The following SMUG1 variants were observed in gnomAD, a reference collection of about 807,000 sequenced individuals.
SMUG1 encodes single-strand-selective monofunctional uracil-DNA glycosylase 1, also known as single-strand selective monofunctional uracil DNA glycosylase.
SMUG1 carries 13 observed loss-of-function variants against 23.9 expected under a neutral mutation model. That is an observed-to-expected ratio of 0.54 (90% CI 0.35 to 0.86). The LOEUF is 0.86. Ranked by LOEUF, SMUG1 falls within the 40% of genes least tolerant of loss-of-function variation. SMUG1 has a pLI of 0.01. For synonymous variants in SMUG1, 133 were observed against 139.8 expected, an observed-to-expected ratio of 0.95 and a Z score of 0.34; for missense variants, 313 against 339.5, an observed-to-expected ratio of 0.92 and a Z score of 0.61.
At chr12:54,163,795 A>G (rs1940350084), downstream of SMUG1, among the ~76,000 whole-genome samples, 1 of 152,248 alleles carries the variant, frequency 6.6e-6, no homozygotes, top group Non-Finnish European at 1.5e-5. Flanking sequence ...AAATGGGGAT[A>G]ATAATATTCA....
intron 3 of SMUG1, chr12:54,183,444 G>A (rs1300529977): frequency 6.8e-6 from 4 of 587,870 alleles, no homozygotes; most frequent in Non-Finnish European, 9.1e-6. Flanking sequence ...CAGGGAAAAC[G>A]AAACTACCAT....
chr12:54,182,207 C>T lies in SMUG1; in HGVS notation c.702G>A (p.Val234=), dbSNP rs1320262995. 4 of 1,611,872 alleles carry T rather than the reference C, an allele frequency of 2.5e-6. No homozygotes were observed. Among genetic ancestry groups the T allele is most frequent in the Admixed American group, 3.3e-5 (2 of 59,858 alleles). The part of the protein sequence containing the change: ...ALAGLMPEVQ[V]EGLLHPSPRN... Reference sequence around the variant, plus strand: ...GGGGAGAGGGATGCAGGAGCCCTTCCACCTGGACCTCTGGCATCAGGCCTG... The same window carrying T: ...GGGGAGAGGGATGCAGGAGCCCTTCTACCTGGACCTCTGGCATCAGGCCTG... The change falls in exon 4 of 4, where the codon GTG becomes GTA. Residue 234 remains valine, a synonymous_variant. Coordinates refer to ENST00000682136, the MANE Select transcript of SMUG1 (RefSeq NM_001243787.2).
In SMUG1 at chr12:54,187,780, T is replaced by C. The variant is rs551699457; in HGVS notation, c.-20+39A>G. The C allele has an allele frequency of 2.7e-5, 3 of 112,148 alleles. No individual in the cohort carries two copies. The South Asian group carries it at 8.8e-4, about 33-fold the overall frequency. 6.9% of individuals were successfully genotyped at this position (112,148 alleles called of 1,614,324 possible). On this transcript the variant is annotated intron_variant, in intron 2 of 3. Coordinates refer to ENST00000682136, the MANE Select transcript of SMUG1 (RefSeq NM_001243787.2). ...CATACTCCATCCAACCTACCACCTG[T>C]TAACTCATTTTTTTTTTCAATACTT...
chr12:54,169,114 G>A (rs1232767651), intron 3 of SMUG1, among the ~76,000 whole-genome samples: 2 of 152,132 alleles, frequency 1.3e-5, no homozygotes, highest in Non-Finnish European at 1.5e-5. Context: ...ACATCTGGGG[G>A]GAAATGACCA....
chr12:54,181,881 G>A lies in SMUG1; in HGVS notation c.*215C>T, dbSNP rs1472390838. 5.7e-5 allele frequency: 81 copies of A among 1,423,682 alleles called. No homozygotes were observed. The highest frequency in any genetic ancestry group is 7.3e-5 in the Non-Finnish European group (80 of 1,094,016). The allele number at this position is 1,423,682 out of a possible 1,614,324, so 88.2% of individuals were successfully genotyped here. A position where few individuals can be genotyped will look rare whatever the true frequency, so the allele number is the denominator to read the frequency against. ...TCCCCTGAAAGGGGCAATGTTAAAA[G>A]GTAAAGAAAGCAGGAATCAGGAGGG... On this transcript the variant is annotated 3_prime_UTR_variant, in exon 4 of 4. Transcript: ENST00000682136.
intron 3 of SMUG1, among the ~76,000 whole-genome samples, chr12:54,170,160 T>G (rs1449574335): frequency 6.6e-6 from 1 of 150,726 alleles, no homozygotes; most frequent in Non-Finnish European, 1.5e-5. Context: ...ATCGCGCCAT[T>G]GCACTTCAGC....
At position 54,182,588 on chromosome 12, in the gene SMUG1, C is replaced by T; in HGVS notation, c.321G>A (p.Trp107Ter). 6.2e-7 allele frequency: 1 copy of T among 1,613,968 alleles called. No individual in the cohort carries two copies. The highest frequency in any genetic ancestry group is 1.1e-5 in the South Asian group (1 of 91,058). ...TCAGCACAGGCCCCACAATGCCCAACCAGTCCCGGACCATGCTTACTTCCC... is the reference window on the plus strand; with the variant it reads ...TCAGCACAGGCCCCACAATGCCCAATCAGTCCCGGACCATGCTTACTTCCC... ...PFGEVSMVRDWLGIVGPVLTP... is the reference protein window; with the variant it reads ...PFGEVSMVRD The change falls in exon 4 of 4, where the codon TGG becomes TGA. Residue 107 changes from tryptophan to a stop codon, truncating the protein, a stop_gained. Coordinates refer to ENST00000682136, the MANE Select transcript of SMUG1 (RefSeq NM_001243787.2). LOFTEE classifies it high-confidence loss of function.
chr12:54,176,229 AAAAAAAAAGG>A (rs1187721887), downstream of SMUG1, among the ~76,000 whole-genome samples: 1 of 151,858 alleles, frequency 6.6e-6, no homozygotes, highest in Non-Finnish European at 1.5e-5. Context: ...TCCATCTAAA[AAAAAAAAAGG>A]CTGGGCATGG....
downstream of SMUG1, among the ~76,000 whole-genome samples, chr12:54,177,484 A>T (rs1051791352): frequency 9.9e-5 from 15 of 152,166 alleles, no homozygotes; most frequent in Non-Finnish European, 1.5e-5. Context: ...TGAACTGAAG[A>T]ATTGAATTTT....
In SMUG1 at chr12:54,181,468, G is replaced by A; in HGVS notation, c.*628C>T. On this transcript the variant is annotated 3_prime_UTR_variant, in exon 4 of 4. Transcript: ENST00000682136. ...GGCATCCCTGTTTTACAGATGAGGA[G>A]CCTGAGGCATAGAGAGGTTTATTAA... is the stretch of plus-strand genomic sequence containing the variant. The A allele has an allele frequency of 1.6e-6, 2 of 1,242,096 alleles. No homozygotes were observed. The highest frequency in any genetic ancestry group is 2.3e-6 in the Non-Finnish European group (2 of 881,362). 76.9% of individuals were successfully genotyped at this position (1,242,096 alleles called of 1,614,324 possible).
At chr12:54,185,393 G>A (rs1344555943) in intron 2 of SMUG1, among the ~76,000 whole-genome samples, 3 of 151,188 alleles carry the variant, frequency 2.0e-5, no homozygotes, top group South Asian at 4.2e-4. Flanking sequence ...GCCTGAACCC[G>A]GGAGGCTGAG....
In SMUG1 at chr12:54,181,596, C is replaced by T. The variant is rs1345651881; in HGVS notation, c.*500G>A. 4 of 1,576,582 alleles carry T rather than the reference C, an allele frequency of 2.5e-6. No individual in the cohort carries two copies. Among genetic ancestry groups the T allele is most frequent in the East Asian group, 4.5e-5 (2 of 44,328 alleles). ...ATTTTTCCTCTGATCCAGCTGCAGC[C>T]TCCCATAAGAAGTTCACTCTTAATT... is the stretch of plus-strand genomic sequence containing the variant. On this transcript the variant is annotated 3_prime_UTR_variant, in exon 4 of 4. Transcript: ENST00000682136.
intron 1 of SMUG1, chr12:54,188,469 C>G (rs1474220605): frequency 6.6e-6 from 1 of 151,522 alleles, no homozygotes; most frequent in Non-Finnish European, 1.5e-5. Flanking sequence ...CTACTAAATA[C>G]AAAAATTAGC....
downstream of SMUG1, among the ~76,000 whole-genome samples, chr12:54,179,511 G>A (rs984846448): frequency 1.2e-4 from 18 of 152,176 alleles, no homozygotes; most frequent in East Asian, 1.2e-3. Context: ...GCAACATGGC[G>A]CACTCACTAC....
At chr12:54,169,308 G>A (rs1940558066) in intron 3 of SMUG1, among the ~76,000 whole-genome samples, 1 of 152,134 alleles carries the variant, frequency 6.6e-6, no homozygotes, top group Admixed American at 6.5e-5. Context: ...AACAGTGCAT[G>A]GCTAGGACTG....
downstream of SMUG1, among the ~76,000 whole-genome samples, chr12:54,176,517 A>ACCCTCC (rs1247915453): frequency 4.0e-5 from 3 of 74,998 alleles, no homozygotes; most frequent in South Asian, 5.4e-4. Context: ...TCCCCCCCCA[A>ACCCTCC]AAAAAAAGGC....
At chr12:54,166,592 G>A (rs1442730758) in intron 3 of SMUG1, among the ~76,000 whole-genome samples, 2 of 152,194 alleles carry the variant, frequency 1.3e-5, no homozygotes, top group Non-Finnish European at 2.9e-5. Context: ...GATGCTGTGA[G>A]GGCTGCTCCT....
intron 3 of SMUG1, among the ~76,000 whole-genome samples, chr12:54,168,078 C>T (rs1406044387): frequency 6.6e-6 from 1 of 152,186 alleles, no homozygotes; most frequent in Non-Finnish European, 1.5e-5. Context: ...TCCAGAGCCC[C>T]ACCTCCCCAA....
chr12:54,178,795 T>A (rs1043490537), downstream of SMUG1, among the ~76,000 whole-genome samples: 7 of 152,182 alleles, frequency 4.6e-5, no homozygotes, highest in African/African-American at 1.4e-4. Context: ...AACTGTCAAC[T>A]TGATTAATGG....
Sources: gnomAD v4.1 joint callset for allele counts (sites outside exome capture counted in the v4.1 genomes callset) on GRCh38, gnomAD v4.1.1 for gene constraint, MANE v1.5 for transcripts, NCBI Gene and HGNC (gene_info 2026-07-23, HGNC 2026-07-21) for gene names.